Variants in AMBRA1 observed in about 807,000 individuals in gnomAD.
AMBRA1 encodes autophagy and beclin 1 regulator 1, also known as activating molecule in BECN1-regulated autophagy protein 1.
Under a neutral mutation model 125.4 loss-of-function variants are expected in AMBRA1, and 47 were observed. The ratio of observed to expected loss-of-function variants is 0.37; its 90% confidence interval spans 0.30 to 0.48. AMBRA1 has a LOEUF of 0.48. AMBRA1 is among the 20% of genes least tolerant of loss of function. The pLI, the probability that AMBRA1 is intolerant of heterozygous loss-of-function variation, is 0.99. For missense variants in AMBRA1, 1,331 were observed against 1,693.4 expected, an observed-to-expected ratio of 0.79 and a Z score of 3.76; for synonymous variants, 626 against 655.5, an observed-to-expected ratio of 0.95 and a Z score of 0.69.
intron 11 of AMBRA1, among the ~76,000 whole-genome samples, chr11:46,459,408 G>C (rs1370797644): frequency 6.6e-6 from 1 of 151,844 alleles, no homozygotes; most frequent in Non-Finnish European, 1.5e-5. Flanking sequence ...TTTTAAAAGG[G>C]GGTCAGAGAC....
At chr11:46,412,253 T>C (rs1946332302) in intron 15 of AMBRA1, among the ~76,000 whole-genome samples, 1 of 152,198 alleles carries the variant, frequency 6.6e-6, no homozygotes, top group African/African-American at 2.4e-5. Context: ...AAATCATCTC[T>C]AGATTACTTG....
intron 1 of AMBRA1, among the ~76,000 whole-genome samples, chr11:46,578,501 T>A (rs1436334544): frequency 6.8e-6 from 1 of 146,530 alleles, no homozygotes; most frequent in Non-Finnish European, 1.5e-5. Context: ...AAAAAAAATC[T>A]AGGTAGGACT....
At chr11:46,550,269 T>G (rs2135197825) in intron 1 of AMBRA1, among the ~76,000 whole-genome samples, 1 of 152,322 alleles carries the variant, frequency 6.6e-6, no homozygotes, top group East Asian at 1.9e-4. Context: ...AAACCTTCAT[T>G]AGTTTAAATG....
At chr11:46,516,319 T>C (rs985688121) in intron 7 of AMBRA1, among the ~76,000 whole-genome samples, 6 of 151,528 alleles carry the variant, frequency 4.0e-5, no homozygotes, top group East Asian at 1.9e-4. Context: ...GGAGTAAAAA[T>C]AGGCTTCTCC....
intron 1 of AMBRA1, among the ~76,000 whole-genome samples, chr11:46,568,038 C>A (rs768080576): frequency 2.0e-5 from 3 of 151,858 alleles, no homozygotes; most frequent in African/African-American, 7.3e-5. Flanking sequence ...ATTCCAGATA[C>A]TTGGCAGGCT....
intron 11 of AMBRA1, among the ~76,000 whole-genome samples, chr11:46,461,375 C>T (rs1312129884): frequency 6.6e-6 from 1 of 152,150 alleles, no homozygotes; most frequent in Admixed American, 6.5e-5. Flanking sequence ...ATATATATGC[C>T]TGTATAGATA....
At chr11:46,435,615 T>C (rs1190184551) in intron 12 of AMBRA1, among the ~76,000 whole-genome samples, 2 of 152,218 alleles carry the variant, frequency 1.3e-5, no homozygotes, top group African/African-American at 2.4e-5. Flanking sequence ...TCTCTAACTC[T>C]ACCAAGAGAG....
intron 9 of AMBRA1, chr11:46,494,463 G>T (rs756139255): frequency 5.4e-6 from 2 of 372,088 alleles, no homozygotes; most frequent in Non-Finnish European, 1.0e-5. Flanking sequence ...GTCCCTTAGC[G>T]TCTCAAACTG....
intron 1 of AMBRA1, among the ~76,000 whole-genome samples, chr11:46,571,473 G>A (rs1284153069): frequency 3.9e-5 from 6 of 151,990 alleles, no homozygotes; most frequent in African/African-American, 4.8e-5. Context: ...CCTAAAGTCC[G>A]AGACCAGCCT....
chr11:46,469,731 C>T (rs1949495398), intron 11 of AMBRA1, among the ~76,000 whole-genome samples: 1 of 151,942 alleles, frequency 6.6e-6, no homozygotes, highest in South Asian at 2.1e-4. Flanking sequence ...GTGGTACGAT[C>T]ATTGCTCACT....
chr11:46,443,441 A>G (rs1365852015), intron 12 of AMBRA1, 47 bp downstream of exon 12: 1 of 1,514,718 alleles, frequency 6.6e-7, no homozygotes, highest in Admixed American at 1.7e-5. Flanking sequence ...CTGGCTCACC[A>G]GCAAATATAA....
rs145003239 is a variant in AMBRA1, at chr11:46,455,400, C to T, written c.2522-11802G>A. 2.4e-3 allele frequency among the ~76,000 whole-genome samples: 360 copies of T among 152,300 alleles called. 1 individual carries two copies. Among genetic ancestry groups the T allele is most frequent in the African/African-American group, 8.4e-3 (348 of 41,570 alleles). On this transcript the variant is annotated intron_variant, in intron 11 of 17. Coordinates refer to ENST00000683756, the MANE Select transcript of AMBRA1 (RefSeq NM_001387011.1). ...TGAATTTGACTACTTTAGTTAGCCT[C>T]ATATAAGCAGAATCATTTACTATTG...
At chr11:46,535,524 C>T (rs565909717) in intron 7 of AMBRA1, among the ~76,000 whole-genome samples, 98 of 152,242 alleles carry the variant, frequency 6.4e-4, no homozygotes, top group African/African-American at 2.3e-3. Flanking sequence ...AAAGAAAAAG[C>T]ATCAGTAGGA....
intron 17 of AMBRA1, among the ~76,000 whole-genome samples, chr11:46,400,678 G>A (rs1348253784): frequency 2.0e-5 from 3 of 151,424 alleles, no homozygotes; most frequent in South Asian, 2.1e-4. Context: ...TTGCAGAGAC[G>A]GTTTCGCCGT....
chr11:46,509,205 C>G (rs1314554374), intron 8 of AMBRA1, among the ~76,000 whole-genome samples: 1 of 152,202 alleles, frequency 6.6e-6, no homozygotes, highest in Non-Finnish European at 1.5e-5. Flanking sequence ...CTACATTCTT[C>G]AAACTACGGC....
At chr11:46,537,928 T>G (rs1383406766) in intron 7 of AMBRA1, among the ~76,000 whole-genome samples, 1 of 152,200 alleles carries the variant, frequency 6.6e-6, no homozygotes, top group Admixed American at 6.5e-5. Context: ...AAAACAGGCT[T>G]TGTTAAAAGA....
chr11:46,571,213 T>C (rs1318405433), intron 1 of AMBRA1, among the ~76,000 whole-genome samples: 1 of 152,170 alleles, frequency 6.6e-6, no homozygotes, highest in Non-Finnish European at 1.5e-5. Context: ...AATCACTCAG[T>C]AAGTATGACA....
At chr11:46,448,598 C>T (rs567569682) in intron 11 of AMBRA1, among the ~76,000 whole-genome samples, 198 of 152,122 alleles carry the variant, frequency 1.3e-3, no homozygotes, top group Middle Eastern at 3.4e-3. Context: ...AGAAGAAAAA[C>T]ATGAGCAGAA....
intron 11 of AMBRA1, among the ~76,000 whole-genome samples, chr11:46,457,941 C>A (rs1280006273): frequency 6.6e-6 from 1 of 151,220 alleles, no homozygotes; most frequent in Non-Finnish European, 1.5e-5. Flanking sequence ...ACCCTACTGG[C>A]CCAGCCATGC....
Sources: gnomAD v4.1 joint callset for allele counts (sites outside exome capture counted in the v4.1 genomes callset) on GRCh38, gnomAD v4.1.1 for gene constraint, MANE v1.5 for transcripts, NCBI Gene and HGNC (gene_info 2026-07-23, HGNC 2026-07-21) for gene names.